NPAS3: variants seen among roughly 807,000 people sequenced by gnomAD.
NPAS3 encodes neuronal PAS domain protein 3, also known as neuronal PAS domain-containing protein 3.
In NPAS3, 14 loss-of-function variants were observed where a neutral mutation model predicts 73.1. The observed-to-expected ratio is 0.19, with a 90% CI of 0.13 to 0.30. The LOEUF (loss-of-function observed/expected upper bound fraction) is 0.30, where lower values mean the gene tolerates loss of function less well. NPAS3 is among the 10% of genes least tolerant of loss of function. The probability of loss-of-function intolerance (pLI) is 1.00; values close to 1 mark genes in which losing one functional copy is unlikely to be tolerated. For synonymous variants in NPAS3, 620 were observed against 541.5 expected, an observed-to-expected ratio of 1.14 and a Z score of -2.01; for missense variants, 1,096 against 1,250.0, an observed-to-expected ratio of 0.88 and a Z score of 1.86.
At chr14:33,165,908 G>A (rs756692382) in intron 2 of NPAS3, among the ~76,000 whole-genome samples, 1 of 152,096 alleles carries the variant, frequency 6.6e-6, no homozygotes, top group Non-Finnish European at 1.5e-5. Flanking sequence ...AGTACTTTGT[G>A]TCCCCCCATC....
chr14:33,459,496 A>C (rs1180404582), intron 4 of NPAS3, among the ~76,000 whole-genome samples: 11 of 152,264 alleles, frequency 7.2e-5, no homozygotes, highest in Admixed American at 7.2e-4. Context: ...AATCATGGAC[A>C]GTATTACTAC....
At position 33,676,400 on chromosome 14, in the gene NPAS3, C is replaced by G. The variant is rs747752194; in HGVS notation, c.733+15C>G. 1 of 1,546,110 alleles carries G rather than the reference C, an allele frequency of 6.5e-7. No homozygotes were observed. The highest frequency in any genetic ancestry group is 1.4e-5 in the African/African-American group (1 of 72,162). ...CCCCGAGCCAGGTGGGAATTGCAAA[C>G]CCAGTGTGTGGGTTGGTGGGCAGGA... On this transcript the variant is annotated intron_variant, in intron 6 of 11. Coordinates refer to ENST00000356141, the Ensembl canonical transcript of NPAS3.
intron 2 of NPAS3, among the ~76,000 whole-genome samples, chr14:33,205,356 C>G (rs1488728164): frequency 6.6e-6 from 1 of 152,000 alleles, no homozygotes; most frequent in African/African-American, 2.4e-5. Flanking sequence ...AGTAAATATC[C>G]TTTTTGGCAA....
chr14:33,651,546 T>TA (rs545805648), intron 5 of NPAS3, among the ~76,000 whole-genome samples: 2,843 of 152,144 alleles, frequency 0.019, 86 homozygotes, highest in African/African-American at 0.062. Flanking sequence ...AATTATATAT[T>TA]AAAAAAACCC....
chr14:33,234,021 A>C (rs2047944560), intron 3 of NPAS3, among the ~76,000 whole-genome samples: 1 of 152,134 alleles, frequency 6.6e-6, no homozygotes, highest in Non-Finnish European at 1.5e-5. Context: ...ATATTAGATA[A>C]AGCACGAGTG....
intron 9 of NPAS3, among the ~76,000 whole-genome samples, chr14:33,792,829 A>C (rs1193647546): frequency 6.6e-6 from 1 of 152,226 alleles, no homozygotes; most frequent in African/African-American, 2.4e-5. Context: ...AGGACATGCC[A>C]AAAGTGGGCG....
intron 3 of NPAS3, among the ~76,000 whole-genome samples, chr14:33,330,697 C>T (rs1024055412): frequency 1.3e-5 from 2 of 152,184 alleles, no homozygotes; most frequent in Non-Finnish European, 2.9e-5. Flanking sequence ...GAGGCCTTCT[C>T]AGAGGCCGGC....
chr14:33,091,827 C>T (rs2042234964), intron 2 of NPAS3, among the ~76,000 whole-genome samples: 2 of 152,086 alleles, frequency 1.3e-5, no homozygotes, highest in Admixed American at 1.3e-4. Flanking sequence ...ATACGCAAAT[C>T]AATAAATGTA....
intron 4 of NPAS3, among the ~76,000 whole-genome samples, chr14:33,493,657 G>A (rs533175583): frequency 6.6e-6 from 1 of 152,166 alleles, no homozygotes; most frequent in South Asian, 2.1e-4. Context: ...AGAGGGAGGG[G>A]CTAGCCCCTT....
chr14:33,504,893 G>C (rs758937461), intron 4 of NPAS3, among the ~76,000 whole-genome samples: 1 of 152,036 alleles, frequency 6.6e-6, no homozygotes, highest in Non-Finnish European at 1.5e-5. Context: ...GAAGACAGCT[G>C]AGAACTACGG....
chr14:33,638,009 C>T (rs573746760), intron 5 of NPAS3, among the ~76,000 whole-genome samples: 7 of 152,008 alleles, frequency 4.6e-5, no homozygotes, highest in Admixed American at 3.9e-4. Context: ...GTAGGGTTAG[C>T]GGATTATTTG....
chr14:33,468,665 A>C (rs1043262136), intron 4 of NPAS3, among the ~76,000 whole-genome samples: 13 of 152,196 alleles, frequency 8.5e-5, no homozygotes, highest in African/African-American at 3.1e-4. Flanking sequence ...ATTTTCACAA[A>C]GTATTGTTAA....
chr14:33,228,213 A>C (rs566893412), intron 3 of NPAS3, among the ~76,000 whole-genome samples: 1 of 152,190 alleles, frequency 6.6e-6, no homozygotes, highest in Non-Finnish European at 1.5e-5. Flanking sequence ...CTCAACATGC[A>C]CAGTTTTTTG....
chr14:33,313,524 G>A (rs1445097818), intron 3 of NPAS3, among the ~76,000 whole-genome samples: 2 of 152,036 alleles, frequency 1.3e-5, no homozygotes, highest in Non-Finnish European at 2.9e-5. Flanking sequence ...TTACTGAAGT[G>A]CAAAAGTCTT....
chr14:33,027,118 G>T (rs922328604), intron 1 of NPAS3, among the ~76,000 whole-genome samples: 2 of 152,150 alleles, frequency 1.3e-5, no homozygotes, highest in South Asian at 4.1e-4. Flanking sequence ...TCCTAGGTCA[G>T]ATCATAGCCT....
At chr14:32,943,328 T>G (rs1263482886) in intron 1 of NPAS3, among the ~76,000 whole-genome samples, 1 of 152,222 alleles carries the variant, frequency 6.6e-6, no homozygotes, top group Non-Finnish European at 1.5e-5. Flanking sequence ...ATACTGTACT[T>G]CAAATATAAT....
chr14:33,422,538 A>T (rs1401957620), intron 4 of NPAS3, among the ~76,000 whole-genome samples: 1 of 151,942 alleles, frequency 6.6e-6, no homozygotes, highest in Non-Finnish European at 1.5e-5. Context: ...TGTCAGATAT[A>T]CTAGAAATAT....
chr14:33,225,418 A>C (rs992381698), intron 3 of NPAS3, among the ~76,000 whole-genome samples: 1 of 152,216 alleles, frequency 6.6e-6, no homozygotes, highest in Admixed American at 6.5e-5. Flanking sequence ...CAAGGTTAGA[A>C]AGCCAAGACA....
At chr14:33,158,597 T>C (rs1304010189) in intron 2 of NPAS3, among the ~76,000 whole-genome samples, 3 of 152,120 alleles carry the variant, frequency 2.0e-5, no homozygotes, top group African/African-American at 4.8e-5. Context: ...TCTAAGGTAC[T>C]GCAGAGAGAG....
Sources: allele counts gnomAD v4.1 joint callset (sites outside exome capture counted in the v4.1 genomes callset), GRCh38; gene constraint gnomAD v4.1.1; transcripts MANE v1.5; gene names NCBI Gene and HGNC (gene_info 2026-07-23, HGNC 2026-07-21).